SIAH3: variants seen among roughly 807,000 people sequenced by gnomAD.
SIAH3 encodes the protein siah E3 ubiquitin protein ligase family member 3, also known as seven in absentia homolog 3.
A neutral mutation model predicts 12.6 loss-of-function variants in SIAH3; 9 were observed. The ratio of observed to expected loss-of-function variants is 0.72; its 90% CI spans 0.43 to 1.25. The LOEUF (loss-of-function observed/expected upper bound fraction) is 1.25, where lower values mean the gene tolerates loss of function less well. SIAH3 is among the 50% of genes most tolerant of loss of function. SIAH3 has a pLI of 0.00. For synonymous variants in SIAH3, 154 were observed against 151.1 expected, an observed-to-expected ratio of 1.02 and a Z score of -0.14; for missense variants, 390 against 365.4, an observed-to-expected ratio of 1.07 and a Z score of -0.55.
At chr13:45,801,540 A>C (rs1418995099) in intron 1 of SIAH3, among the ~76,000 whole-genome samples, 1 of 152,190 alleles carries the variant, frequency 6.6e-6, no homozygotes, top group Non-Finnish European at 1.5e-5. Flanking sequence ...TGTGACCATG[A>C]CTTGCAGGCT....
chr13:45,792,508 C>T (rs766687722), intron 1 of SIAH3, among the ~76,000 whole-genome samples: 1 of 152,078 alleles, frequency 6.6e-6, no homozygotes, highest in Non-Finnish European at 1.5e-5. Flanking sequence ...CAGACAGGTG[C>T]CATCATGCCC....
At chr13:45,837,863 G>T (rs763174079) in intron 1 of SIAH3, among the ~76,000 whole-genome samples, 1 of 152,334 alleles carries the variant, frequency 6.6e-6, no homozygotes, top group East Asian at 1.9e-4. Flanking sequence ...TCCAAAGTCC[G>T]TGATGTTTCC....
intron 1 of SIAH3, among the ~76,000 whole-genome samples, chr13:45,805,005 C>T (rs1035692477): frequency 1.4e-5 from 2 of 137,940 alleles, no homozygotes; most frequent in Non-Finnish European, 3.1e-5. Flanking sequence ...CACACACACA[C>T]ACACAAAATA....
chr13:45,777,629 C>A lies in SIAH3; in HGVS notation c.*5754G>T, dbSNP rs1283248605. On this transcript the variant is annotated 3_prime_UTR_variant, in exon 2 of 2. Transcript: ENST00000400405. ...AGTTTTTCTTCAGCTGGCTATTTTC[C>A]AGGTGAACACAATGGGGAACTCACC... is the stretch of plus-strand genomic sequence containing the variant. 6.6e-6 allele frequency: 1 copy of A among 152,160 alleles called. No individual in the cohort carries two copies. Among genetic ancestry groups the A allele is most frequent in the African/African-American group, 2.4e-5 (1 of 41,434 alleles). The allele number at this position is 152,160 out of a possible 1,614,324, so 9.4% of individuals were successfully genotyped here.
chr13:45,788,122 C>T (rs1332030117), intron 1 of SIAH3, among the ~76,000 whole-genome samples: 1 of 152,228 alleles, frequency 6.6e-6, no homozygotes, highest in Non-Finnish European at 1.5e-5. Flanking sequence ...TGGGATGGTG[C>T]TCAGAATAAA....
chr13:45,784,728 G>T (rs575724081), intron 1 of SIAH3, among the ~76,000 whole-genome samples: 81 of 152,270 alleles, frequency 5.3e-4, no homozygotes, highest in Admixed American at 1.3e-3. Flanking sequence ...CCCCAGGGCA[G>T]CTTCCCAGAG....
chr13:45,819,839 T>C (rs1950649060), intron 1 of SIAH3, among the ~76,000 whole-genome samples: 1 of 152,166 alleles, frequency 6.6e-6, no homozygotes, highest in South Asian at 2.1e-4. Flanking sequence ...CTTGGTCTAT[T>C]TGTGCTTCTA....
chr13:45,816,549 G>A (rs959631407), intron 1 of SIAH3, among the ~76,000 whole-genome samples: 1 of 152,210 alleles, frequency 6.6e-6, no homozygotes, highest in African/African-American at 2.4e-5. Context: ...AAATGTAAAT[G>A]TCAACATAGC....
Position 45,782,139 on chromosome 13 carries a change from A to C in SIAH3, c.*1244T>G, listed in dbSNP as rs548538530. ...CTTCAAATACACGAGAGACTTCTAC[A>C]AGAAGATGTTGATGAATTGTTCTGA... On this transcript the variant is annotated 3_prime_UTR_variant, in exon 2 of 2. Transcript: ENST00000400405. 4 of 152,366 alleles carry C rather than the reference A, an allele frequency of 2.6e-5. No individual in the cohort carries two copies. The highest frequency in any genetic ancestry group is 9.6e-5 in the African/African-American group (4 of 41,592). The allele number at this position is 152,366 out of a possible 1,614,324, so 9.4% of individuals were successfully genotyped here.
chr13:45,813,567 T>C (rs1950623625), intron 1 of SIAH3, among the ~76,000 whole-genome samples: 1 of 152,248 alleles, frequency 6.6e-6, no homozygotes, highest in South Asian at 2.1e-4. Context: ...AGACACTTAC[T>C]AGGTTGTTGC....
chr13:45,808,259 T>C (rs1426407606), intron 1 of SIAH3, among the ~76,000 whole-genome samples: 2 of 134,288 alleles, frequency 1.5e-5, no homozygotes, highest in Non-Finnish European at 3.5e-5. Context: ...GGTATATAGG[T>C]GTTACTTTGT....
At position 45,780,570 on chromosome 13, in the gene SIAH3, GTTCTTA is replaced by G. The variant is rs1342580124; in HGVS notation, c.*2807_*2812del. 6.6e-6 allele frequency: 1 copy of G among 152,180 alleles called. No individual in the cohort carries two copies. The highest frequency in any genetic ancestry group is 2.4e-5 in the African/African-American group (1 of 41,440). 9.4% of individuals were successfully genotyped at this position (152,180 alleles called of 1,614,324 possible). A position where few individuals can be genotyped will look rare whatever the true frequency, so the allele number is the denominator to read the frequency against. The stretch of plus-strand genomic sequence containing the variant: ...GACGTGAGCCACCATCCCTGGCCTA[GTTCTTA>G]AAGCAGAGATGCTTCTAAAAGCAAA... On this transcript the variant is annotated 3_prime_UTR_variant, in exon 2 of 2. Coordinates refer to ENST00000400405, the MANE Select transcript of SIAH3 (RefSeq NM_198849.3).
At chr13:45,837,522 G>C (rs1950722099) in intron 1 of SIAH3, among the ~76,000 whole-genome samples, 1 of 130,258 alleles carries the variant, frequency 7.7e-6, no homozygotes, top group Admixed American at 8.4e-5. Context: ...CAGAGAGAAA[G>C]GAAGAAAGAG....
intron 1 of SIAH3, among the ~76,000 whole-genome samples, chr13:45,823,225 C>T (rs561106246): frequency 2.0e-4 from 30 of 152,286 alleles, no homozygotes; most frequent in African/African-American, 7.2e-4. Context: ...GAGCGTTTAA[C>T]GAAGACCACT....
At chr13:45,797,037 T>C (rs1209262235) in intron 1 of SIAH3, among the ~76,000 whole-genome samples, 1 of 152,174 alleles carries the variant, frequency 6.6e-6, no homozygotes, top group Non-Finnish European at 1.5e-5. Flanking sequence ...CCAATATTCA[T>C]CTTTGGGTTA....
At chr13:45,806,200 G>A (rs866827861) in intron 1 of SIAH3, among the ~76,000 whole-genome samples, 11 of 152,256 alleles carry the variant, frequency 7.2e-5, no homozygotes, top group Middle Eastern at 3.4e-3. Flanking sequence ...ATTTGACCCA[G>A]CAATTCCATT....
chr13:45,804,764 A>C (rs1408492646), intron 1 of SIAH3, among the ~76,000 whole-genome samples: 1 of 152,148 alleles, frequency 6.6e-6, no homozygotes, highest in Non-Finnish European at 1.5e-5. Context: ...ACAGGAAAAT[A>C]AGTAGTCCAA....
chr13:45,793,792 C>T (rs183060192), intron 1 of SIAH3, among the ~76,000 whole-genome samples: 326 of 152,336 alleles, frequency 2.1e-3, no homozygotes, highest in Non-Finnish European at 3.7e-3. Flanking sequence ...TGTTCACATC[C>T]TAATCCCCAG....
At chr13:45,837,137 T>G (rs1000182748) in intron 1 of SIAH3, among the ~76,000 whole-genome samples, 2 of 152,092 alleles carry the variant, frequency 1.3e-5, no homozygotes, top group African/African-American at 4.8e-5. Flanking sequence ...TTCCCAGCTC[T>G]CCCTTTTCTA....
Sources: allele counts gnomAD v4.1 joint callset (sites outside exome capture counted in the v4.1 genomes callset), GRCh38; gene constraint gnomAD v4.1.1; transcripts MANE v1.5; gene names NCBI Gene and HGNC (gene_info 2026-07-23, HGNC 2026-07-21).